The following RBFOX1 variants were observed in gnomAD, a reference collection of about 807,000 sequenced individuals.
RBFOX1 encodes the protein RNA binding fox-1 homolog 1.
A neutral mutation model predicts 57.7 loss-of-function variants in RBFOX1; 8 were observed. The observed-to-expected ratio is 0.14, with a 90% CI of 0.08 to 0.25. RBFOX1 has a LOEUF of 0.25. Among genes scored for constraint, RBFOX1 ranks in the 10% least tolerant of loss-of-function variants. RBFOX1 has a pLI of 1.00. For missense variants in RBFOX1, 611 were observed against 548.5 expected (o/e 1.11, Z -1.14); for synonymous variants, 326 against 222.4 (o/e 1.47, Z -4.15).
At chr16:6,478,427 ATATTTTTTTTTTTTTT>A (rs1418448160) in intron 2 of RBFOX1, among the ~76,000 whole-genome samples, 3 of 12,700 alleles carry the variant, frequency 2.4e-4, no homozygotes, top group African/African-American at 8.5e-4. Context: ...ATATATATAT[ATATTTTTTTTTTTTTT>A]TTTTGTATTT....
intron 1 of RBFOX1, among the ~76,000 whole-genome samples, chr16:5,292,964 G>A (rs1282266328): frequency 1.3e-5 from 2 of 151,980 alleles, no homozygotes; most frequent in Non-Finnish European, 2.9e-5. Flanking sequence ...AATTAACTCC[G>A]GGGTGTCCCA....
intron 1 of RBFOX1, among the ~76,000 whole-genome samples, chr16:6,089,342 T>G (rs953798294): frequency 1.3e-5 from 2 of 152,066 alleles, no homozygotes; most frequent in African/African-American, 4.8e-5. Context: ...ACATCAGTTC[T>G]GGTCAGAGGA....
In RBFOX1 at chr16:6,779,839, TTA is replaced by T. The variant is rs113270198; in HGVS notation, c.-16+125199_-16+125200del. ...TATATTTATATATATTTTTATATAT[TTA>T]TATATATATTTATATATATTTATAT... On this transcript the variant is annotated intron_variant, in intron 3 of 15. Coordinates refer to ENST00000550418, the MANE Select transcript of RBFOX1 (RefSeq NM_018723.4). Among the ~76,000 whole-genome samples the T allele has an allele frequency of 1.0e-3, 13 of 12,622 alleles. 3 individuals are homozygous for T. Among genetic ancestry groups the T allele is most frequent in the East Asian group, 0.013 (1 of 80 alleles). The allele number at this position is 12,622 out of a possible 152,430, so 8.3% of individuals were successfully genotyped here.
chr16:6,642,132 C>G (rs1568007831), intron 2 of RBFOX1, among the ~76,000 whole-genome samples: 1 of 152,256 alleles, frequency 6.6e-6, no homozygotes, highest in East Asian at 1.9e-4. Context: ...GACGCCAAGC[C>G]AGGTGACTGA....
intron 1 of RBFOX1, among the ~76,000 whole-genome samples, chr16:6,210,786 C>T (rs917325093): frequency 3.3e-5 from 5 of 152,208 alleles, no homozygotes; most frequent in South Asian, 2.1e-4. Context: ...ATGAAGATCT[C>T]GTAATAATGC....
intron 3 of RBFOX1, among the ~76,000 whole-genome samples, chr16:6,859,977 G>A (rs1211728088): frequency 2.0e-5 from 3 of 152,134 alleles, no homozygotes; most frequent in Admixed American, 1.3e-4. Flanking sequence ...TTTGAGGAGT[G>A]GAATTGGTTT....
At chr16:7,136,323 C>G (rs2071944178) in intron 4 of RBFOX1, among the ~76,000 whole-genome samples, 1 of 151,852 alleles carries the variant, frequency 6.6e-6, no homozygotes, top group South Asian at 2.1e-4. Flanking sequence ...TCTCAAGTGT[C>G]CAATGACCCC....
intron 4 of RBFOX1, among the ~76,000 whole-genome samples, chr16:7,058,118 T>C (rs1188650697): frequency 6.6e-6 from 1 of 151,828 alleles, no homozygotes; most frequent in Admixed American, 6.6e-5. Context: ...TACCACCAAC[T>C]GCTAGCTCTG....
chr16:5,623,254 C>G (rs1596489096), intron 3 of RBFOX1, among the ~76,000 whole-genome samples: 1 of 152,116 alleles, frequency 6.6e-6, no homozygotes, highest in Non-Finnish European at 1.5e-5. Flanking sequence ...TTTTCCGTTT[C>G]CCAGTGGACA....
chr16:7,251,810 C>G (rs1004689458), intron 4 of RBFOX1, among the ~76,000 whole-genome samples: 1 of 152,102 alleles, frequency 6.6e-6, no homozygotes, highest in African/African-American at 2.4e-5. Flanking sequence ...GTGCAGATAT[C>G]CCTTCAAAAT....
At chr16:7,239,558 G>T (rs577442102) in intron 4 of RBFOX1, among the ~76,000 whole-genome samples, 1 of 152,192 alleles carries the variant, frequency 6.6e-6, no homozygotes, top group South Asian at 2.1e-4. Flanking sequence ...AAGTGAAATT[G>T]TCCTGTCAAG....
intron 3 of RBFOX1, among the ~76,000 whole-genome samples, chr16:6,658,811 C>T (rs17140853): frequency 0.057 from 8,619 of 152,108 alleles, 274 homozygotes; most frequent in African/African-American, 0.065. Flanking sequence ...TTGGATGGTT[C>T]CTGGCCATTG....
chr16:6,388,291 T>G (rs181798247), intron 2 of RBFOX1, among the ~76,000 whole-genome samples: 1 of 152,012 alleles, frequency 6.6e-6, no homozygotes, highest in East Asian at 1.9e-4. Context: ...TTAAAATGTG[T>G]TTGAACTTGG....
chr16:7,097,113 C>A (rs1206105767), intron 4 of RBFOX1, among the ~76,000 whole-genome samples: 1 of 151,988 alleles, frequency 6.6e-6, no homozygotes, highest in Non-Finnish European at 1.5e-5. Context: ...AAAAAATGTG[C>A]TTGGGAAATG....
intron 3 of RBFOX1, among the ~76,000 whole-genome samples, chr16:6,657,111 C>CCCTCTCCTCTCCTCTCCTCT (rs746674928): frequency 8.9e-6 from 1 of 111,758 alleles, no homozygotes; most frequent in Admixed American, 1.0e-4. Context: ...TCCTCTCCTC[C>CCCTCTCCTCTCCTCTCCTCT]CCTCTCCTCT....
intron 2 of RBFOX1, among the ~76,000 whole-genome samples, chr16:6,386,401 C>T (rs146745196): frequency 2.0e-5 from 3 of 152,326 alleles, no homozygotes; most frequent in Non-Finnish European, 2.9e-5. Flanking sequence ...TTATCATCCA[C>T]TTCTTGCTGT....
At chr16:6,645,797 A>G (rs1292202250) in intron 2 of RBFOX1, among the ~76,000 whole-genome samples, 2 of 152,180 alleles carry the variant, frequency 1.3e-5, no homozygotes, top group African/African-American at 2.4e-5. Flanking sequence ...CCTGGCGTGT[A>G]TTGGATATGC....
chr16:6,515,967 C>T (rs926971922), intron 2 of RBFOX1, among the ~76,000 whole-genome samples: 1 of 152,072 alleles, frequency 6.6e-6, no homozygotes, highest in African/African-American at 2.4e-5. Flanking sequence ...TACTGAAATA[C>T]CTGAACCCTG....
intron 4 of RBFOX1, among the ~76,000 whole-genome samples, chr16:5,925,055 C>T (rs1157077228): frequency 6.6e-6 from 1 of 152,190 alleles, no homozygotes; most frequent in Non-Finnish European, 1.5e-5. Flanking sequence ...CCTACTGAAG[C>T]TGGTCATCCA....
Sources: gnomAD v4.1 joint callset for allele counts (sites outside exome capture counted in the v4.1 genomes callset) on GRCh38, gnomAD v4.1.1 for gene constraint, MANE v1.5 for transcripts, NCBI Gene and HGNC (gene_info 2026-07-23, HGNC 2026-07-21) for gene names.